The following CHST6 variants were observed in gnomAD, a reference collection of about 807,000 sequenced individuals.
CHST6 encodes carbohydrate sulfotransferase 6, also known as N-acetylglucosamine 6-O-sulfotransferase 5.
For missense variants in CHST6, 698 were observed against 586.2 expected (o/e 1.19, Z -1.97); for synonymous variants, 309 against 276.4 (o/e 1.12, Z -1.17).
rs2080056071 is a variant in CHST6 at position 75,475,373 on chromosome 16, A to C, written c.*3268T>G. 1 of 152,078 alleles carries C rather than the reference A, an allele frequency of 6.6e-6. No homozygotes were observed. The highest frequency in any genetic ancestry group is 6.6e-5 in the Admixed American group (1 of 15,200). 9.4% of individuals were successfully genotyped at this position (152,078 alleles called of 1,614,324 possible). On this transcript the variant is annotated 3_prime_UTR_variant, in exon 3 of 3. Coordinates refer to ENST00000332272, the MANE Select transcript of CHST6 (RefSeq NM_021615.5). ...AGCCTGGATTCAGAGGTGGAGAAAC[A>C]GACTCTACTTCTTGATGGCAGGAGC...
chr16:75,491,779 G>A (rs1409329856), intron 1 of CHST6, among the ~76,000 whole-genome samples: 1 of 152,216 alleles, frequency 6.6e-6, no homozygotes, highest in African/African-American at 2.4e-5. Flanking sequence ...GGAGGCTTAG[G>A]TGGAGTTTGT....
At position 75,478,626 on chromosome 16, in the gene CHST6, C is replaced by A; in HGVS notation, c.*15G>T. On this transcript the variant is annotated 3_prime_UTR_variant, in exon 3 of 3. Coordinates refer to ENST00000332272, the MANE Select transcript of CHST6 (RefSeq NM_021615.5). ...CTCCTCCCGGGCCTAGCGCCTGCTA[C>A]AACTGTGGCCTCCACTAATTTCGGG... The A allele has an allele frequency of 1.2e-6, 2 of 1,612,078 alleles. No individual in the cohort carries two copies. The highest frequency in any genetic ancestry group is 1.7e-6 in the Non-Finnish European group (2 of 1,179,084).
chr16:75,478,837 T>A lies in CHST6; in HGVS notation c.992A>T (p.Gln331Leu). ...AAAGGGCAGCGCATGGCGCCAGGCC[T>A]GGGAGACGTTGAGCGCATTCCTGGA... ...TSSRNALNVSQAWRHALPFAK... is the reference protein window; with the variant it reads ...TSSRNALNVSLAWRHALPFAK... Residue 331 changes from glutamine to leucine, a missense_variant, in exon 3 of 3, where the codon CAG becomes CTG. Gln to Leu is a moderately radical substitution (Grantham distance 113). Transcript: ENST00000332272. 2 of 1,613,456 alleles carry A rather than the reference T, an allele frequency of 1.2e-6. No individual in the cohort carries two copies. The highest frequency in any genetic ancestry group is 1.7e-6 in the Non-Finnish European group (2 of 1,179,974).
Position 75,475,927 on chromosome 16 carries a change from T to C in CHST6, c.*2714A>G, listed in dbSNP as rs2080061441. ...GTGGCATTATCTCGGCTCACTGCAC[T>C]GTCCGCCTCCTGGATTCAAGGGATT... is the stretch of plus-strand genomic sequence containing the variant. On this transcript the variant is annotated 3_prime_UTR_variant, in exon 3 of 3. Transcript: ENST00000332272. 6.6e-6 allele frequency: 1 copy of C among 152,184 alleles called. No individual in the cohort carries two copies. The allele number at this position is 152,184 out of a possible 1,614,324, so 9.4% of individuals were successfully genotyped here.
At chr16:75,488,945 A>AT (rs2080229685) in intron 1 of CHST6, among the ~76,000 whole-genome samples, 1 of 152,012 alleles carries the variant, frequency 6.6e-6, no homozygotes, top group African/African-American at 2.4e-5. Flanking sequence ...GTGAGTGTTC[A>AT]TGGGGGGCAG....
At position 75,487,570 on chromosome 16, in the gene CHST6, A is replaced by C. The variant is rs765613224; in HGVS notation, c.-91-5679T>G. Among the ~76,000 whole-genome samples the C allele has an allele frequency of 2.0e-5, 3 of 152,166 alleles. No homozygotes were observed. The South Asian group carries it at 6.2e-4, about 32-fold the overall frequency. On this transcript the variant is annotated intron_variant, in intron 1 of 2. Coordinates refer to ENST00000332272, the MANE Select transcript of CHST6 (RefSeq NM_021615.5). ...AATCATAGCACTTGGGAGGCTGAGT[A>C]GGGTGGATCACAAGGTCAAGAGATC... is the stretch of plus-strand genomic sequence containing the variant.
chr16:75,480,627 A>C (rs960407269), intron 2 of CHST6, among the ~76,000 whole-genome samples: 2 of 151,216 alleles, frequency 1.3e-5, no homozygotes, highest in East Asian at 3.9e-4. Flanking sequence ...AACTTTTCTT[A>C]TTGAAAATAA....
intron 1 of CHST6, among the ~76,000 whole-genome samples, chr16:75,491,354 G>A (rs1335310452): frequency 6.6e-6 from 1 of 150,568 alleles, no homozygotes; most frequent in Non-Finnish European, 1.5e-5. Flanking sequence ...TCTATGGCCA[G>A]TTTACAGGTA....
At chr16:75,493,603 T>C (rs2080279735) in intron 1 of CHST6, among the ~76,000 whole-genome samples, 1 of 152,050 alleles carries the variant, frequency 6.6e-6, no homozygotes, top group Non-Finnish European at 1.5e-5. Context: ...AGTGGATATT[T>C]GTAAAGCAGA....
At chr16:75,489,289 C>T (rs1429524262) in intron 1 of CHST6, among the ~76,000 whole-genome samples, 2 of 150,208 alleles carry the variant, frequency 1.3e-5, no homozygotes, top group African/African-American at 4.9e-5. Context: ...ATCCCAGCTA[C>T]TCGTGAAGAT....
intron 2 of CHST6, among the ~76,000 whole-genome samples, chr16:75,480,535 T>TGCCC (rs1348842263): frequency 6.6e-6 from 1 of 151,466 alleles, no homozygotes; most frequent in Non-Finnish European, 1.5e-5. Flanking sequence ...AACTGAAGAG[T>TGCCC]GCCCTTGCTA....
intron 1 of CHST6, among the ~76,000 whole-genome samples, chr16:75,493,514 A>T (rs1029570529): frequency 2.2e-5 from 3 of 135,828 alleles, no homozygotes; most frequent in African/African-American, 9.1e-5. Flanking sequence ...GAGACTCCGT[A>T]TCAAAAAAAA....
chr16:75,482,407 G>A (rs1015139380), intron 1 of CHST6, among the ~76,000 whole-genome samples: 7 of 152,086 alleles, frequency 4.6e-5, no homozygotes, highest in African/African-American at 1.4e-4. Context: ...AATTAGCCAG[G>A]CGTTGTGGCA....
chr16:75,491,365 AT>A (rs1026152009), intron 1 of CHST6, among the ~76,000 whole-genome samples: 1 of 149,258 alleles, frequency 6.7e-6, no homozygotes, highest in African/African-American at 2.5e-5. Context: ...TTTACAGGTA[AT>A]TTTTTTTTAT....
At chr16:75,481,000 T>C (rs1317002806) in intron 2 of CHST6, among the ~76,000 whole-genome samples, 3 of 150,546 alleles carry the variant, frequency 2.0e-5, no homozygotes, top group East Asian at 3.9e-4. Flanking sequence ...GATTCAAGCC[T>C]GTAATCCCAG....
Position 75,479,859 on chromosome 16 carries a change from C to A in CHST6, c.-16-15G>T, listed in dbSNP as rs1173368780. ...CTGCTGGGGGCCTTAGGGAGGAGAG[C>A]GCAGCGGTTAGGGGCTGCAGCCTGC... On this transcript the variant is annotated splice_polypyrimidine_tract_variant and intron_variant, in intron 2 of 2. Transcript: ENST00000332272. 26 of 1,539,046 alleles carry A rather than the reference C, an allele frequency of 1.7e-5. No individual in the cohort carries two copies. Among genetic ancestry groups the A allele is most frequent in the Non-Finnish European group, 2.3e-5 (26 of 1,146,106 alleles).
At chr16:75,491,096 C>T (rs1269843113) in intron 1 of CHST6, among the ~76,000 whole-genome samples, 1 of 136,952 alleles carries the variant, frequency 7.3e-6, no homozygotes, top group East Asian at 2.2e-4. Flanking sequence ...GTCAGGAAGG[C>T]AGAGTTTGCA....
chr16:75,492,368 G>A (rs900539952), intron 1 of CHST6, among the ~76,000 whole-genome samples: 2 of 152,248 alleles, frequency 1.3e-5, no homozygotes, highest in African/African-American at 4.8e-5. Flanking sequence ...CACACACAGG[G>A]TACGGAGTGG....
intron 1 of CHST6, among the ~76,000 whole-genome samples, chr16:75,483,951 G>A (rs1300367309): frequency 6.6e-6 from 1 of 152,122 alleles, no homozygotes; most frequent in South Asian, 2.1e-4. Flanking sequence ...TTGAGCCTAG[G>A]AGGCACAGGT....
Sources: allele counts gnomAD v4.1 joint callset (sites outside exome capture counted in the v4.1 genomes callset), GRCh38; gene constraint gnomAD v4.1.1; transcripts MANE v1.5; gene names NCBI Gene and HGNC (gene_info 2026-07-23, HGNC 2026-07-21).